The following CECR2 variants were observed in gnomAD, a reference collection of about 807,000 sequenced individuals.
CECR2 encodes chromatin remodeling regulator CECR2.
A neutral mutation model predicts 154.5 loss-of-function variants in CECR2; 30 were observed. That is an observed-to-expected ratio of 0.19 (90% CI 0.15 to 0.26). The LOEUF (loss-of-function observed/expected upper bound fraction) is 0.26, where lower values mean the gene tolerates loss of function less well. Among genes scored for constraint, CECR2 ranks in the 10% least tolerant of loss-of-function variants. The pLI, the probability that CECR2 is intolerant of heterozygous loss-of-function variation, is 1.00. For missense variants in CECR2, 1,743 were observed against 1,829.3 expected (o/e 0.95, Z 0.86); for synonymous variants, 725 against 683.7 (o/e 1.06, Z -0.94).
In CECR2 at chr22:17,542,636, T is replaced by C. The variant is rs762188235; in HGVS notation, c.2493T>C (p.Pro831=). 4.3e-6 allele frequency: 7 copies of C among 1,613,910 alleles called. No individual in the cohort carries two copies. Among genetic ancestry groups the C allele is most frequent in the African/African-American group, 1.3e-5 (1 of 75,010 alleles). The change falls in exon 16 of 19, where the codon CCT becomes CCC. Residue 831 remains proline (P), a synonymous_variant. Transcript: ENST00000262608. ...NQWTEQSGFL[P]HGVPSSGYMR... is the part of the protein sequence containing the mutation. ...GGACTGAACAATCAGGCTTCCTACC[T>C]CATGGAGTTCCTTCCTCAGGGTACA... is the stretch of plus-strand genomic sequence containing the variant.
rs554526772 is a variant in CECR2, at chr22:17,413,919, C to T, written c.126+44010C>T. Among the ~76,000 whole-genome samples, 10 of 150,240 alleles carry T rather than the reference C, an allele frequency of 6.7e-5. No homozygotes were observed. The East Asian group carries it at 1.4e-3, about 21-fold the overall frequency. On this transcript the variant is annotated intron_variant, in intron 1 of 18. Transcript: ENST00000262608. ...GTCTCGATCACCTGACCTTGTGATC[C>T]GCCCACCTCGGCCTCCCAAAGTGCT...
chr22:17,434,573 A>G (rs1464985419), intron 1 of CECR2, among the ~76,000 whole-genome samples: 1 of 151,962 alleles, frequency 6.6e-6, no homozygotes, highest in Non-Finnish European at 1.5e-5. Context: ...TGCCTTAATC[A>G]CTTTCCGAGC....
chr22:17,545,354 G>A (rs1286057262), intron 16 of CECR2, among the ~76,000 whole-genome samples: 22 of 91,782 alleles, frequency 2.4e-4, no homozygotes, highest in Admixed American at 8.9e-4. Context: ...CAGCCTGGGC[G>A]AAACAGCGAG....
intron 2 of CECR2, among the ~76,000 whole-genome samples, chr22:17,489,768 T>C (rs935046624): frequency 3.3e-5 from 5 of 152,214 alleles, no homozygotes; most frequent in Non-Finnish European, 7.3e-5. Context: ...TTATCAACTT[T>C]TTAAATGTTT....
chr22:17,548,800 A>T lies in CECR2; in HGVS notation c.3513A>T (p.Gly1171=). The T allele has an allele frequency of 6.2e-7, 1 of 1,613,728 alleles. No homozygotes were observed. Among genetic ancestry groups the T allele is most frequent in the Non-Finnish European group, 8.5e-7 (1 of 1,179,832 alleles). ...TTCAGTCTAACCACCCACATTCTGG[A>T]GGCTTTCCCCGGTATCGCCCCCCAC... The part of the protein sequence containing the change: ...RGFQSNHPHS[G]GFPRYRPPQG... The change falls in exon 17 of 19, where the codon GGA becomes GGT. Residue 1171 remains glycine, a synonymous_variant. Transcript: ENST00000262608.
At chr22:17,540,358 A>G in intron 13 of CECR2, 54 bp from the exon 14 acceptor site, 3 of 1,421,314 alleles carry the variant, frequency 2.1e-6, no homozygotes, top group Non-Finnish European at 2.8e-6. Flanking sequence ...TATAGTTTCT[A>G]TAAACAATTT....
chr22:17,537,546 A>G (rs1293816458), intron 10 of CECR2, among the ~76,000 whole-genome samples: 1 of 152,218 alleles, frequency 6.6e-6, no homozygotes, highest in Admixed American at 6.5e-5. Flanking sequence ...TTTTTAAAGT[A>G]ATTACTTCCC....
chr22:17,377,763 C>T (rs1005376306), intron 1 of CECR2, among the ~76,000 whole-genome samples: 7 of 152,052 alleles, frequency 4.6e-5, no homozygotes, highest in East Asian at 3.9e-4. Context: ...TTATATTAGC[C>T]TCTAACAAAT....
At chr22:17,482,475 T>C (rs1489015910) in intron 2 of CECR2, among the ~76,000 whole-genome samples, 1 of 152,186 alleles carries the variant, frequency 6.6e-6, no homozygotes, top group Non-Finnish European at 1.5e-5. Flanking sequence ...CAACTCTTAC[T>C]GGTTTCTGTA....
intron 8 of CECR2, chr22:17,518,584 G>T: frequency 5.9e-6 from 2 of 336,402 alleles, no homozygotes; most frequent in Non-Finnish European, 5.9e-6. Context: ...TTCCATTGCA[G>T]CTGTCACGTC....
At chr22:17,546,210 C>T (rs55834601) in intron 16 of CECR2, among the ~76,000 whole-genome samples, 25,228 of 151,988 alleles carry the variant, frequency 0.17, 2,254 homozygotes, top group Admixed American at 0.25. Context: ...CTGTTTAGGC[C>T]GGCGCGATGG....
intron 16 of CECR2, among the ~76,000 whole-genome samples, chr22:17,545,934 C>T (rs925010723): frequency 3.3e-5 from 5 of 151,486 alleles, no homozygotes; most frequent in Admixed American, 6.6e-5. Flanking sequence ...TACCTGTAAT[C>T]GCAACTACTT....
intron 2 of CECR2, among the ~76,000 whole-genome samples, chr22:17,495,861 CAAAAAAAAAAAA>C (rs10558473): frequency 1.5e-5 from 1 of 67,210 alleles, no homozygotes; most frequent in Non-Finnish European, 2.6e-5. Context: ...GACTCTGTCT[CAAAAAAAAAAAA>C]AAAAAAAAAA....
intron 1 of CECR2, among the ~76,000 whole-genome samples, chr22:17,448,943 G>C (rs886899553): frequency 6.6e-6 from 1 of 151,774 alleles, no homozygotes; most frequent in African/African-American, 2.4e-5. Context: ...ACCGTGGCAC[G>C]GTCTGGCTCA....
chr22:17,367,224 TAAAAGGTAGCC>T (rs2063006903), upstream of CECR2, among the ~76,000 whole-genome samples: 1 of 152,092 alleles, frequency 6.6e-6, no homozygotes, highest in Admixed American at 6.6e-5. Context: ...ACTACCGTAC[TAAAAGGTAGCC>T]AAATCATCTC....
At chr22:17,433,758 C>G (rs1377339256) in intron 1 of CECR2, among the ~76,000 whole-genome samples, 1 of 152,140 alleles carries the variant, frequency 6.6e-6, no homozygotes, top group African/African-American at 2.4e-5. Context: ...CCTATCTTCA[C>G]AGTGTTACTG....
intron 1 of CECR2, among the ~76,000 whole-genome samples, chr22:17,429,636 G>C (rs2054391272): frequency 6.6e-6 from 1 of 152,204 alleles, no homozygotes. Flanking sequence ...ATATCAATGG[G>C]GGTTGACTTA....
intron 1 of CECR2, among the ~76,000 whole-genome samples, chr22:17,362,529 G>A (rs1601223702): frequency 7.0e-6 from 1 of 142,076 alleles, no homozygotes; most frequent in Non-Finnish European, 1.6e-5. Context: ...GACTTGGCAT[G>A]AAAAAATAAT....
Position 17,384,250 on chromosome 22 carries a change from T to C in CECR2, c.126+14341T>C, listed in dbSNP as rs146908086. On this transcript the variant is annotated intron_variant, in intron 1 of 18. Transcript: ENST00000262608. Reference sequence around the variant, plus strand: ...GGCAGCTATTGCCTTACAAAATGTATTTATTTTATTTTTTGTAGAGATGGG... The same window carrying C: ...GGCAGCTATTGCCTTACAAAATGTACTTATTTTATTTTTTGTAGAGATGGG... Among the ~76,000 whole-genome samples, 9 of 152,310 alleles carry C rather than the reference T, an allele frequency of 5.9e-5. No homozygotes were observed. The East Asian group carries it at 1.7e-3, about 29-fold the overall frequency.
Sources: gnomAD v4.1 joint callset for allele counts (sites outside exome capture counted in the v4.1 genomes callset) on GRCh38, gnomAD v4.1.1 for gene constraint, MANE v1.5 for transcripts, NCBI Gene and HGNC (gene_info 2026-07-23, HGNC 2026-07-21) for gene names.